FAM72C: variants seen among roughly 807,000 people sequenced by gnomAD.
The protein encoded by FAM72C is protein FAM72C.
In FAM72C, 1 loss-of-function variant was observed where a neutral mutation model predicts 5.2. The observed-to-expected ratio is 0.19, with a 90% CI of 0.07 to 0.91. The LOEUF (loss-of-function observed/expected upper bound fraction) is 0.91, where lower values mean the gene tolerates loss of function less well. Ranked by LOEUF, FAM72C falls within the 40% of genes least tolerant of loss-of-function variation. The pLI is 0.66. For synonymous variants in FAM72C, 1 was observed against 21.8 expected, an observed-to-expected ratio of 0.05 and a Z score of 2.66; for missense variants, 4 against 66.0, an observed-to-expected ratio of 0.06 and a Z score of 3.25.
intron 3 of FAM72C, among the ~76,000 whole-genome samples, chr1:143,962,101 G>A (rs1489118708): frequency 3.8e-5 from 5 of 133,082 alleles, no homozygotes; most frequent in Admixed American, 1.5e-4. Context: ...CGCAACCTCC[G>A]CCTCCCGGGT....
At position 143,955,542 on chromosome 1, in the gene FAM72C, C is replaced by G. The variant is rs1420866504; in HGVS notation, c.*845G>C. ...GCTCTGAATGCAGCTTTAAAAAAAA[C>G]AAAACAAAGCAAAGCAAAGCAAAAC... On this transcript the variant is annotated 3_prime_UTR_variant, in exon 4 of 4. Transcript: ENST00000584486. 1 of 144,300 alleles carries G rather than the reference C, an allele frequency of 6.9e-6. No individual in the cohort carries two copies. The highest frequency in any genetic ancestry group is 2.6e-5 in the African/African-American group (1 of 38,476). The allele number at this position is 144,300 out of a possible 1,614,324, so 8.9% of individuals were successfully genotyped here.
intron 2 of FAM72C, among the ~76,000 whole-genome samples, chr1:143,967,402 T>C (rs1213293650): frequency 7.1e-6 from 1 of 141,440 alleles, no homozygotes; most frequent in Non-Finnish European, 1.6e-5. Context: ...CGCTTGAACC[T>C]GGGAGGCAGA....
Position 143,971,158 on chromosome 1 carries a change from T to C in FAM72C, c.-17A>G. On this transcript the variant is annotated 5_prime_UTR_variant, in exon 1 of 4. Coordinates refer to ENST00000584486, the MANE Select transcript of FAM72C (RefSeq NM_001287385.2). ...GGTGGACATGGCGTCGCAGGAAGGA[T>C]GAGGTGTGGGATTTTGAAAAAGGAA... The C allele has an allele frequency of 1.5e-6, 1 of 669,588 alleles. No homozygotes were observed. The highest frequency in any genetic ancestry group is 2.3e-6 in the Non-Finnish European group (1 of 428,024). The allele number at this position is 669,588 out of a possible 1,614,324, so 41.5% of individuals were successfully genotyped here. A position where few individuals can be genotyped will look rare whatever the true frequency, so the allele number is the denominator to read the frequency against.
chr1:143,961,386 TTC>T (rs1399565940), intron 3 of FAM72C, among the ~76,000 whole-genome samples: 1 of 58,652 alleles, frequency 1.7e-5, no homozygotes, highest in Non-Finnish European at 3.3e-5. Flanking sequence ...TGACCAGCTG[TTC>T]TCTCTCTCTT....
intron 3 of FAM72C, among the ~76,000 whole-genome samples, chr1:143,960,752 C>A (rs2101691758): frequency 7.2e-6 from 1 of 138,968 alleles, no homozygotes; most frequent in African/African-American, 2.6e-5. Context: ...ATTAGTATTT[C>A]AGTGCCTCAG....
Position 143,967,202 on chromosome 1 carries a change from G to T in FAM72C, c.230+1722C>A, listed in dbSNP as rs1381373215. On this transcript the variant is annotated intron_variant, in intron 2 of 3. Transcript: ENST00000584486. ...TACAAAAATTAGCCGGGTGGGCTGG[G>T]TGCGGTGGCTCACGCCTGTAATCCT... Among the ~76,000 whole-genome samples, 1,386 of 146,092 alleles carry T rather than the reference G, an allele frequency of 9.5e-3. 139 individuals carry two copies. Among genetic ancestry groups the T allele is most frequent in the Middle Eastern group, 0.028 (8 of 290 alleles).
upstream of FAM72C, among the ~76,000 whole-genome samples, chr1:143,973,382 TCTC>T (rs1444431600): frequency 1.8e-3 from 6 of 3,256 alleles, no homozygotes; most frequent in Non-Finnish European, 2.9e-3. Flanking sequence ...AAGGCAGCCT[TCTC>T]CTTGCCGCCT....
chr1:143,965,196 T>C (rs1661742034), intron 2 of FAM72C, among the ~76,000 whole-genome samples: 1 of 42,308 alleles, frequency 2.4e-5, no homozygotes. Context: ...ATTTCTTTGC[T>C]ATTATTATTA....
rs1332311640 is a variant in FAM72C, at chr1:143,967,433, G to A, written c.230+1491C>T. On this transcript the variant is annotated intron_variant, in intron 2 of 3. Coordinates refer to ENST00000584486, the MANE Select transcript of FAM72C (RefSeq NM_001287385.2). ...GCAGAGGTTGCAGTAAGCTGAGATC[G>A]TGCCACTGCACTCTAGCCTGGGCGA... is the stretch of plus-strand genomic sequence containing the variant. 5.7e-5 allele frequency among the ~76,000 whole-genome samples: 8 copies of A among 140,906 alleles called. 1 individual carries two copies. In the East Asian group the frequency reaches 8.4e-4, roughly 15 times the overall value. 92.4% of individuals were successfully genotyped at this position (140,906 alleles called of 152,430 possible).
At chr1:143,958,794 AG>A (rs1458280889) in intron 3 of FAM72C, among the ~76,000 whole-genome samples, 2 of 129,630 alleles carry the variant, frequency 1.5e-5, no homozygotes, top group African/African-American at 5.8e-5. Flanking sequence ...CTGGGAAATC[AG>A]GTCTCTAAAT....
At chr1:143,962,219 G>A (rs1661662491) in intron 3 of FAM72C, among the ~76,000 whole-genome samples, 1 of 143,508 alleles carries the variant, frequency 7.0e-6, no homozygotes, top group Non-Finnish European at 1.5e-5. Context: ...TCTCCATGTT[G>A]GTCAGGCTGG....
chr1:143,965,949 G>A (rs1411057501), intron 2 of FAM72C, among the ~76,000 whole-genome samples: 1 of 110,726 alleles, frequency 9.0e-6, no homozygotes, highest in African/African-American at 3.2e-5. Context: ...TAAATAGAGT[G>A]AACCTACAGG....
chr1:143,963,780 G>A (rs1171169736), intron 3 of FAM72C, among the ~76,000 whole-genome samples: 1 of 138,632 alleles, frequency 7.2e-6, no homozygotes, highest in Non-Finnish European at 1.6e-5. Flanking sequence ...ACTTGCTGAA[G>A]GTTCAGATGA....
At chr1:143,966,899 G>T (rs1357936869) in intron 2 of FAM72C, among the ~76,000 whole-genome samples, 1 of 141,980 alleles carries the variant, frequency 7.0e-6, no homozygotes, top group Non-Finnish European at 1.5e-5. Flanking sequence ...ATGGTGGCAC[G>T]TGCCTGTAGT....
intron 2 of FAM72C, among the ~76,000 whole-genome samples, chr1:143,967,494 G>A (rs1433263950): frequency 4.3e-5 from 6 of 138,142 alleles, no homozygotes; most frequent in African/African-American, 1.1e-4. Flanking sequence ...AAAAAAAAAA[G>A]AAAAGAAAGA....
chr1:143,959,202 C>A (rs1411970543), intron 3 of FAM72C, among the ~76,000 whole-genome samples: 2 of 136,986 alleles, frequency 1.5e-5, no homozygotes, highest in Non-Finnish European at 3.1e-5. Flanking sequence ...GAATGCGGGG[C>A]TTTTATCTTT....
intron 2 of FAM72C, among the ~76,000 whole-genome samples, chr1:143,967,498 A>G (rs1335517489): frequency 2.8e-5 from 4 of 142,828 alleles, no homozygotes; most frequent in Non-Finnish European, 6.2e-5. Context: ...AAAAAAGAAA[A>G]GAAAGAAGAA....
intron 2 of FAM72C, among the ~76,000 whole-genome samples, chr1:143,967,502 A>G (rs1416635252): frequency 1.4e-5 from 2 of 142,604 alleles, no homozygotes; most frequent in African/African-American, 5.2e-5. Context: ...AAGAAAAGAA[A>G]GAAGAAAATA....
At chr1:143,962,016 T>C (rs1661651866) in intron 3 of FAM72C, among the ~76,000 whole-genome samples, 1 of 146,134 alleles carries the variant, frequency 6.8e-6, no homozygotes, top group African/African-American at 2.5e-5. Flanking sequence ...TTCTTTTCTT[T>C]TCTTTTTTTT....
Sources: gnomAD v4.1 joint callset for allele counts (sites outside exome capture counted in the v4.1 genomes callset) on GRCh38, gnomAD v4.1.1 for gene constraint, MANE v1.5 for transcripts, NCBI Gene and HGNC (gene_info 2026-07-23, HGNC 2026-07-21) for gene names.